PDE1A: variants seen among roughly 807,000 people sequenced by gnomAD.
PDE1A encodes dual specificity calcium/calmodulin-dependent 3',5'-cyclic nucleotide phosphodiesterase 1A.
A neutral mutation model predicts 61.7 loss-of-function variants in PDE1A; 35 were observed. That is an observed-to-expected ratio of 0.57 (90% CI 0.43 to 0.75). PDE1A has a LOEUF of 0.75. PDE1A is among the 30% of genes least tolerant of loss of function. The probability of loss-of-function intolerance (pLI) is 0.00; values close to 1 mark genes in which losing one functional copy is unlikely to be tolerated. For missense variants in PDE1A, 597 were observed against 630.6 expected, an observed-to-expected ratio of 0.95 and a Z score of 0.57; for synonymous variants, 232 against 213.2, an observed-to-expected ratio of 1.09 and a Z score of -0.77.
At chr2:182,630,362 G>A in the PDE1A span, among the ~76,000 whole-genome samples, 5 of 152,044 alleles carry the variant, frequency 3.3e-5, no homozygotes, top group Admixed American at 6.6e-5. Flanking sequence ...GCAGGAAACC[G>A]TGATTTTCCC....
chr2:182,621,191 A>G, the PDE1A span, among the ~76,000 whole-genome samples: 1 of 152,206 alleles, frequency 6.6e-6, no homozygotes, highest in East Asian at 1.9e-4. Flanking sequence ...GGGTTCTACA[A>G]ACTTCTCATA....
At chr2:182,458,720 A>G (rs1318101708) in intron 2 of PDE1A, among the ~76,000 whole-genome samples, 2 of 152,092 alleles carry the variant, frequency 1.3e-5, no homozygotes, top group African/African-American at 4.8e-5. Context: ...TGATTGGGAA[A>G]TTATGCTTAT....
exon 1 of PDE1A, chr2:182,426,737 A>C: frequency 6.4e-7 from 1 of 1,566,078 alleles, no homozygotes; most frequent in Non-Finnish European, 8.6e-7. Flanking sequence ...CCAGAAAGAA[A>C]AAGTAGTTTC....
intron 1 of PDE1A, among the ~76,000 whole-genome samples, chr2:182,417,021 G>T (rs549171217): frequency 2.0e-5 from 3 of 152,242 alleles, no homozygotes; most frequent in East Asian, 1.9e-4. Context: ...ATGCCACATG[G>T]GTGACAATAC....
chr2:182,635,698 C>CTCCCTA, the PDE1A span, among the ~76,000 whole-genome samples: 2 of 147,512 alleles, frequency 1.4e-5, no homozygotes, highest in Admixed American at 6.8e-5. Context: ...CTCTCTCTCT[C>CTCCCTA]TCCACATATG....
At chr2:182,362,021 G>C (rs150631987) in intron 1 of PDE1A, among the ~76,000 whole-genome samples, 1 of 152,176 alleles carries the variant, frequency 6.6e-6, no homozygotes, top group East Asian at 1.9e-4. Context: ...GTTGTGTAAA[G>C]AGTTTGCTTT....
the PDE1A span, among the ~76,000 whole-genome samples, chr2:182,694,161 G>A: frequency 6.6e-6 from 1 of 152,162 alleles, no homozygotes; most frequent in African/African-American, 2.4e-5. Flanking sequence ...TGTATGTGGT[G>A]TGAATAGAGA....
chr2:182,269,495 A>T (rs1277956657), intron 1 of PDE1A, among the ~76,000 whole-genome samples: 1 of 152,020 alleles, frequency 6.6e-6, no homozygotes, highest in Admixed American at 6.6e-5. Context: ...TGTCTCAAAA[A>T]AAATAAATAA....
the PDE1A span, among the ~76,000 whole-genome samples, chr2:182,568,561 A>C: frequency 3.3e-5 from 5 of 151,938 alleles, no homozygotes; most frequent in African/African-American, 1.2e-4. Flanking sequence ...AGCTACTCGG[A>C]AGGCTGAGGC....
intron 2 of PDE1A, among the ~76,000 whole-genome samples, chr2:182,456,796 A>C (rs924196348): frequency 2.6e-5 from 4 of 152,104 alleles, no homozygotes; most frequent in African/African-American, 4.8e-5. Context: ...ACTGCCAAAA[A>C]ATGTGCGTGT....
rs946874646 is a variant in PDE1A at position 182,333,197 on chromosome 2, C to T, written c.54-68783G>A. 2.0e-5 allele frequency among the ~76,000 whole-genome samples: 3 copies of T among 152,084 alleles called. No homozygotes were observed. The East Asian group carries it at 5.8e-4, about 29-fold the overall frequency. On this transcript the variant is annotated intron_variant, in intron 1 of 13. Transcript: ENST00000351439. ...GAGACAGAAAATTAACAAGGACATT[C>T]GGGACTTGAACTCAGCTCTGGACCA... is the stretch of plus-strand genomic sequence containing the variant.
Position 182,201,724 on chromosome 2 carries a change from AT to A in PDE1A, c.967del (p.Ile323LeufsTer4). 1 of 1,611,556 alleles carries A rather than the reference AT, an allele frequency of 6.2e-7. No individual in the cohort carries two copies. The highest frequency in any genetic ancestry group is 8.5e-7 in the Non-Finnish European group (1 of 1,179,314). Reference sequence around the variant, plus strand: ...CTGCAAACTGTTTCTTATATTTTTAATTTGCTGGAAGTGACCTGACATGTCT... The same window carrying A: ...CTGCAAACTGTTTCTTATATTTTTAATTGCTGGAAGTGACCTGACATGTCT... On this transcript the variant is annotated frameshift_variant, in exon 9 of 14. Coordinates refer to ENST00000351439, the Ensembl canonical transcript of PDE1A. LOFTEE classifies it high-confidence loss of function.
the PDE1A span, among the ~76,000 whole-genome samples, chr2:182,680,236 C>T: frequency 0.014 from 2,103 of 146,126 alleles, 27 homozygotes; most frequent in Non-Finnish European, 0.021. Context: ...TTTTTTGAGA[C>T]AGGGTCTTGC....
At chr2:182,649,874 C>T in the PDE1A span, among the ~76,000 whole-genome samples, 2 of 152,194 alleles carry the variant, frequency 1.3e-5, no homozygotes, top group South Asian at 4.2e-4. Flanking sequence ...TCCCAAAGTG[C>T]TGGGATTACA....
intron 2 of PDE1A, among the ~76,000 whole-genome samples, chr2:182,450,191 C>G (rs77903538): frequency 2.8e-4 from 43 of 152,172 alleles, no homozygotes; most frequent in African/African-American, 1.0e-3. Flanking sequence ...TAACTGCCTT[C>G]TCTTTTATTC....
chr2:182,209,626 A>G (rs1054280603), intron 7 of PDE1A, among the ~76,000 whole-genome samples: 2 of 151,764 alleles, frequency 1.3e-5, no homozygotes, highest in African/African-American at 2.4e-5. Context: ...CATGGGGGTG[A>G]GTATCCCGCT....
chr2:182,229,744 C>T (rs950523203), intron 6 of PDE1A, among the ~76,000 whole-genome samples: 1 of 149,060 alleles, frequency 6.7e-6, no homozygotes, highest in Non-Finnish European at 1.5e-5. Flanking sequence ...AAGGAATTTA[C>T]AAACAAAAAT....
At chr2:182,254,774 T>G (rs1338171767) in intron 2 of PDE1A, among the ~76,000 whole-genome samples, 1 of 152,150 alleles carries the variant, frequency 6.6e-6, no homozygotes, top group Non-Finnish European at 1.5e-5. Context: ...CCCCTGCTTG[T>G]GACACTAACA....
chr2:182,168,187 C>T, exon 14 of PDE1A: 1 of 1,551,136 alleles, frequency 6.4e-7, no homozygotes, highest in East Asian at 2.3e-5. Context: ...TAATCAAAAT[C>T]TCCAAGTCTT....
Sources: gnomAD v4.1 joint callset for allele counts (sites outside exome capture counted in the v4.1 genomes callset) on GRCh38, gnomAD v4.1.1 for gene constraint, MANE v1.5 for transcripts, NCBI Gene and HGNC (gene_info 2026-07-23, HGNC 2026-07-21) for gene names.